GABRB2: variants seen among roughly 807,000 people sequenced by gnomAD.
GABRB2 encodes gamma-aminobutyric acid receptor subunit beta-2.
In GABRB2, 16 loss-of-function variants were observed where a neutral mutation model predicts 54.7. That is an observed-to-expected ratio of 0.29 (90% confidence interval 0.20 to 0.44). The LOEUF is 0.44. Ranked by LOEUF, GABRB2 falls within the 20% of genes least tolerant of loss-of-function variation. The pLI is 1.00. For synonymous variants in GABRB2, 244 were observed against 233.8 expected, an observed-to-expected ratio of 1.04 and a Z score of -0.40; for missense variants, 355 against 644.0, an observed-to-expected ratio of 0.55 and a Z score of 4.86.
intron 5 of GABRB2, among the ~76,000 whole-genome samples, chr5:161,352,600 A>G (rs977712067): frequency 3.3e-5 from 5 of 152,054 alleles, no homozygotes; most frequent in African/African-American, 1.2e-4. Context: ...AATTTCAGTT[A>G]GATAGGAGAG....
chr5:161,411,144 G>A, intron 4 of GABRB2, 87 bp from the exon 5 acceptor site: 1 of 978,198 alleles, frequency 1.0e-6, no homozygotes. Context: ...AGAAGAGACT[G>A]TGATTTACCC....
intron 5 of GABRB2, among the ~76,000 whole-genome samples, chr5:161,407,874 C>T (rs923888342): frequency 1.2e-4 from 18 of 151,926 alleles, no homozygotes; most frequent in African/African-American, 4.1e-4. Flanking sequence ...TAAATATTAT[C>T]AAGACCCATT....
At chr5:161,457,982 A>T (rs1411891874) in intron 4 of GABRB2, among the ~76,000 whole-genome samples, 2 of 152,174 alleles carry the variant, frequency 1.3e-5, no homozygotes, top group Admixed American at 6.5e-5. Flanking sequence ...AGATGAAGTG[A>T]TATGATGGAC....
In GABRB2 at chr5:161,292,758, G is replaced by A. The variant is rs913326460; in HGVS notation, c.*1323C>T. On this transcript the variant is annotated 3_prime_UTR_variant, in exon 10 of 10. Coordinates refer to ENST00000393959, the MANE Select transcript of GABRB2 (RefSeq NM_001371727.1). ...CAATGAATGCACAAATTAACTCTCT[G>A]TGTGTTCATACTCCTTGAAGTATTA... The A allele has an allele frequency of 6.6e-6, 1 of 152,156 alleles. No homozygotes were observed. The highest frequency in any genetic ancestry group is 1.5e-5 in the Non-Finnish European group (1 of 68,022). The allele number at this position is 152,156 out of a possible 1,614,324, so 9.4% of individuals were successfully genotyped here. A position where few individuals can be genotyped will look rare whatever the true frequency, so the allele number is the denominator to read the frequency against.
At chr5:161,526,105 T>C (rs1284253899) in intron 3 of GABRB2, among the ~76,000 whole-genome samples, 1 of 151,470 alleles carries the variant, frequency 6.6e-6, no homozygotes, top group African/African-American at 2.4e-5. Flanking sequence ...ATGTATATGG[T>C]ATATGTATTC....
intron 4 of GABRB2, among the ~76,000 whole-genome samples, chr5:161,449,632 T>A (rs1366887501): frequency 6.6e-6 from 1 of 152,162 alleles, no homozygotes; most frequent in African/African-American, 2.4e-5. Flanking sequence ...ACAATGGAAG[T>A]CTCTTCTGTT....
chr5:161,474,761 C>A (rs1758544884), intron 3 of GABRB2, among the ~76,000 whole-genome samples: 1 of 151,898 alleles, frequency 6.6e-6, no homozygotes, highest in South Asian at 2.1e-4. Flanking sequence ...GTCTTTAACA[C>A]ATTTGTCTTT....
chr5:161,344,612 T>C (rs565787552), intron 5 of GABRB2, among the ~76,000 whole-genome samples: 149 of 152,118 alleles, frequency 9.8e-4, no homozygotes, highest in African/African-American at 3.5e-3. Context: ...GTAAATTAGA[T>C]TAACCATTGT....
chr5:161,518,008 C>T (rs1228546498), intron 3 of GABRB2, among the ~76,000 whole-genome samples: 3 of 152,092 alleles, frequency 2.0e-5, no homozygotes, highest in Non-Finnish European at 4.4e-5. Context: ...CGGGGTTTCC[C>T]CGTGTTACTC....
At chr5:161,483,251 G>A (rs1370499018) in intron 3 of GABRB2, among the ~76,000 whole-genome samples, 1 of 151,904 alleles carries the variant, frequency 6.6e-6, no homozygotes, top group Non-Finnish European at 1.5e-5. Flanking sequence ...ACGTCTCTGT[G>A]TTATGCAGCT....
Position 161,451,824 on chromosome 5 carries a change from T to G in GABRB2, c.458+7800A>C, listed in dbSNP as rs115487452. On this transcript the variant is annotated intron_variant, in intron 4 of 9. Transcript: ENST00000393959. ...ATAATAAACTACATATATACATTTT[T>G]AAAAGAAAAATACTTTAAAGGCATA... 2.6e-3 allele frequency among the ~76,000 whole-genome samples: 400 copies of G among 152,268 alleles called. 2 individuals carry two copies. The highest frequency in any genetic ancestry group is 9.3e-3 in the African/African-American group (387 of 41,580).
chr5:161,525,629 A>G (rs1349810235), intron 3 of GABRB2, among the ~76,000 whole-genome samples: 3 of 151,372 alleles, frequency 2.0e-5, no homozygotes, highest in African/African-American at 7.3e-5. Flanking sequence ...TTTGAAATGT[A>G]TATTTAGTAA....
At chr5:161,343,681 C>T (rs144791209) in intron 5 of GABRB2, among the ~76,000 whole-genome samples, 1,697 of 152,104 alleles carry the variant, frequency 0.011, 38 homozygotes, top group African/African-American at 0.039. Context: ...GCCACAACAA[C>T]AACAATAATA....
intron 9 of GABRB2, among the ~76,000 whole-genome samples, chr5:161,305,265 C>G (rs1469798159): frequency 6.6e-6 from 1 of 151,960 alleles, no homozygotes; most frequent in Non-Finnish European, 1.5e-5. Flanking sequence ...ATCCACCCAC[C>G]TCGGCCTCCC....
At chr5:161,436,502 CAGCCTGGGTGACAG>C (rs148655070) in intron 4 of GABRB2, among the ~76,000 whole-genome samples, 22,866 of 149,170 alleles carry the variant, frequency 0.15, 1,812 homozygotes, top group East Asian at 0.19. Context: ...CACTGCACTC[CAGCCTGGGTGACAG>C]AGCAAGACGC....
chr5:161,306,335 T>C (rs1237647262), intron 9 of GABRB2, among the ~76,000 whole-genome samples: 3 of 152,348 alleles, frequency 2.0e-5, no homozygotes, highest in East Asian at 3.9e-4. Context: ...CTGGAAGATA[T>C]TGACTGAAAA....
intron 4 of GABRB2, among the ~76,000 whole-genome samples, chr5:161,426,164 G>T (rs1224719651): frequency 6.6e-6 from 1 of 152,128 alleles, no homozygotes; most frequent in Non-Finnish European, 1.5e-5. Context: ...ATCAAGCAGT[G>T]CTGGACTTGG....
chr5:161,439,746 G>C (rs1757410232), intron 4 of GABRB2, among the ~76,000 whole-genome samples: 3 of 152,008 alleles, frequency 2.0e-5, no homozygotes, highest in South Asian at 4.1e-4. Flanking sequence ...GTTGTTATCA[G>C]GTTAAAATAA....
At chr5:161,435,631 C>A (rs145564123) in intron 4 of GABRB2, among the ~76,000 whole-genome samples, 1 of 151,820 alleles carries the variant, frequency 6.6e-6, no homozygotes, top group African/African-American at 2.4e-5. Flanking sequence ...GGGAAGAGGG[C>A]GGGAAAGAGA....
Sources: gnomAD v4.1 joint callset for allele counts (sites outside exome capture counted in the v4.1 genomes callset) on GRCh38, gnomAD v4.1.1 for gene constraint, MANE v1.5 for transcripts, NCBI Gene and HGNC (gene_info 2026-07-23, HGNC 2026-07-21) for gene names.